The following OPHN1 variants were observed in gnomAD, a reference collection of about 807,000 sequenced individuals.
OPHN1 encodes oligophrenin-1.
Under a neutral mutation model 60.7 loss-of-function variants are expected in OPHN1, and 11 were observed. The ratio of observed to expected loss-of-function variants is 0.18; its 90% CI spans 0.11 to 0.30. The LOEUF (loss-of-function observed/expected upper bound fraction) is 0.30, where lower values mean the gene tolerates loss of function less well. Among genes scored for constraint, OPHN1 ranks in the 10% least tolerant of loss-of-function variants. OPHN1 has a pLI of 1.00. For missense variants in OPHN1, 449 were observed against 611.0 expected (o/e 0.73, Z 2.80); for synonymous variants, 226 against 222.6 (o/e 1.02, Z -0.14).
intron 9 of OPHN1, 75 bp downstream of exon 9, chrX:68,210,078 A>G: frequency 8.7e-7 from 1 of 1,154,728 alleles, no homozygotes; most frequent in Non-Finnish European, 1.2e-6. Flanking sequence ...AAGGGTGCCC[A>G]AAATTCACAG....
intron 2 of OPHN1, among the ~76,000 whole-genome samples, chrX:68,349,740 T>C (rs1343108874): frequency 9.0e-6 from 1 of 111,626 alleles, no homozygotes; most frequent in Non-Finnish European, 1.9e-5. Context: ...AAAAAAAGGA[T>C]GAGTTCATGT....
rs995423460 is a variant in OPHN1, at chrX:68,296,769, G to C, written c.250+2232C>G. ...GCTTGAGCCCAGGAGTTCAAGACCA[G>C]TCTGGGTAAACAGAGCAAGACCCTG... On this transcript the variant is annotated intron_variant, in intron 3 of 24. Transcript: ENST00000355520. Among the ~76,000 whole-genome samples, 5 of 110,371 alleles carry C rather than the reference G, an allele frequency of 4.5e-5. No individual in the cohort carries two copies. In the Admixed American group the frequency reaches 4.9e-4, roughly 11 times the overall value.
chrX:68,263,146 T>C (rs1466105873), intron 5 of OPHN1, among the ~76,000 whole-genome samples: 18 of 111,929 alleles, frequency 1.6e-4, no homozygotes, highest in Non-Finnish European at 1.9e-5. Context: ...GATGAGTTTA[T>C]ATGGAATGTG....
intron 23 of OPHN1, among the ~76,000 whole-genome samples, chrX:68,051,077 GT>G (rs1196249595): frequency 8.9e-6 from 1 of 111,742 alleles, no homozygotes; most frequent in Non-Finnish European, 1.9e-5. Context: ...ATGAACTGCT[GT>G]GCAGAATCAT....
chrX:68,288,657 G>A (rs748601083), intron 3 of OPHN1, among the ~76,000 whole-genome samples: 26 of 110,859 alleles, frequency 2.3e-4, no homozygotes, highest in African/African-American at 7.2e-4. Context: ...CCAGCTACTC[G>A]GAAGGCTGAG....
intron 4 of OPHN1, 78 bp downstream of exon 4, chrX:68,282,978 C>A: frequency 1.3e-6 from 1 of 761,586 alleles, no homozygotes; most frequent in Non-Finnish European, 2.0e-6. Flanking sequence ...AGTATAGGAT[C>A]AATCCAAGCA....
At position 68,215,594 on chromosome X, in the gene OPHN1, C is replaced by T. The variant is rs181249924; in HGVS notation, c.487-1622G>A. ...ATTCAAAGCTGCAGAAAATAAAATACAAGAGAAAATCTTGAAAGAAGCTAG... is the reference window on the plus strand; with the variant it reads ...ATTCAAAGCTGCAGAAAATAAAATATAAGAGAAAATCTTGAAAGAAGCTAG... On this transcript the variant is annotated intron_variant, in intron 6 of 24. Coordinates refer to ENST00000355520, the MANE Select transcript of OPHN1 (RefSeq NM_002547.3). 1.2e-4 allele frequency among the ~76,000 whole-genome samples: 13 copies of T among 111,410 alleles called. No homozygotes were observed. The East Asian group carries it at 3.7e-3, about 31-fold the overall frequency.
intron 12 of OPHN1, 63 bp from the exon 13 acceptor site, chrX:68,194,561 A>G: frequency 2.1e-6 from 2 of 936,546 alleles, no homozygotes; most frequent in Non-Finnish European, 3.1e-6. Context: ...AAAACAGAGA[A>G]CATAATATTA....
chrX:68,296,093 G>T (rs753902784), intron 3 of OPHN1, among the ~76,000 whole-genome samples: 1 of 110,697 alleles, frequency 9.0e-6, no homozygotes, highest in African/African-American at 3.3e-5. Context: ...TTTTTTTCTC[G>T]AAGCCTCCAG....
chrX:68,167,437 G>C (rs2077363671), intron 15 of OPHN1, among the ~76,000 whole-genome samples: 1 of 110,731 alleles, frequency 9.0e-6, no homozygotes, highest in East Asian at 2.9e-4. Flanking sequence ...TAACAACTTG[G>C]AGGTTCCACA....
chrX:68,224,157 C>A (rs1240138448), intron 6 of OPHN1, among the ~76,000 whole-genome samples: 1 of 111,766 alleles, frequency 8.9e-6, no homozygotes, highest in Non-Finnish European at 1.9e-5. Context: ...ACTTTCATCT[C>A]AAAGTCACAC....
intron 18 of OPHN1, among the ~76,000 whole-genome samples, chrX:68,104,340 A>T (rs2077072576): frequency 8.9e-6 from 1 of 112,081 alleles, no homozygotes; most frequent in Non-Finnish European, 1.9e-5. Context: ...GAACCAAAAA[A>T]GAGCCCATAT....
intron 2 of OPHN1, among the ~76,000 whole-genome samples, chrX:68,388,254 G>A (rs2078634475): frequency 9.4e-6 from 1 of 105,840 alleles, no homozygotes; most frequent in African/African-American, 3.5e-5. Context: ...GAGGTCAGGA[G>A]TTCGAGACCA....
intron 5 of OPHN1, among the ~76,000 whole-genome samples, chrX:68,237,910 C>CAAA (rs1569254222): frequency 2.7e-5 from 3 of 112,028 alleles, no homozygotes; most frequent in Non-Finnish European, 5.6e-5. Context: ...AAGTGAAGAA[C>CAAA]GTAGACATCC....
At chrX:68,309,108 G>A (rs1056052089) in intron 2 of OPHN1, among the ~76,000 whole-genome samples, 3 of 110,728 alleles carry the variant, frequency 2.7e-5, no homozygotes, top group African/African-American at 6.6e-5. Flanking sequence ...TTTTTAAAGG[G>A]TTATAGACCC....
chrX:68,285,227 AT>A (rs1385759886), intron 3 of OPHN1, among the ~76,000 whole-genome samples: 1 of 110,800 alleles, frequency 9.0e-6, no homozygotes, highest in African/African-American at 3.3e-5. Flanking sequence ...CATTTCATTT[AT>A]TTCCTCTTTA....
chrX:68,377,429 T>TGA (rs2078565699), intron 2 of OPHN1, among the ~76,000 whole-genome samples: 1 of 105,842 alleles, frequency 9.4e-6, no homozygotes, highest in African/African-American at 3.5e-5. Context: ...TTTTTTATTT[T>TGA]TTATTATTAT....
At chrX:68,161,553 G>A (rs982348726) in intron 15 of OPHN1, among the ~76,000 whole-genome samples, 11 of 110,496 alleles carry the variant, frequency 1.0e-4, no homozygotes, top group African/African-American at 3.6e-4. Flanking sequence ...TCCACCAGAG[G>A]AGCAAATATT....
intron 5 of OPHN1, among the ~76,000 whole-genome samples, chrX:68,271,612 T>C (rs1309727690): frequency 1.8e-5 from 2 of 110,930 alleles, no homozygotes; most frequent in Admixed American, 9.7e-5. Context: ...CGGTGGTTCA[T>C]AGTTACTATG....
Sources: allele counts gnomAD v4.1 joint callset (sites outside exome capture counted in the v4.1 genomes callset), GRCh38; gene constraint gnomAD v4.1.1; transcripts MANE v1.5; gene names NCBI Gene and HGNC (gene_info 2026-07-23, HGNC 2026-07-21).